The following RSU1 variants were observed in gnomAD, a reference collection of about 807,000 sequenced individuals.
RSU1 encodes the protein Ras suppressor protein 1.
A neutral mutation model predicts 31.1 loss-of-function variants in RSU1; 26 were observed. The observed-to-expected ratio is 0.84, with a 90% CI of 0.61 to 1.16. The LOEUF is 1.16. Among genes scored for constraint, RSU1 ranks in the 50% most tolerant of loss-of-function variants. The probability of loss-of-function intolerance (pLI) is 0.00; values close to 1 mark genes in which losing one functional copy is unlikely to be tolerated. For synonymous variants in RSU1, 164 were observed against 136.3 expected (o/e 1.20, Z -1.41); for missense variants, 320 against 339.1 (o/e 0.94, Z 0.44).
chr10:16,593,386 T>A lies in RSU1; in HGVS notation c.*8A>T. On this transcript the variant is annotated 3_prime_UTR_variant, in exon 9 of 9. Coordinates refer to ENST00000345264, the MANE Select transcript of RSU1 (RefSeq NM_012425.4). The stretch of plus-strand genomic sequence containing the variant: ...GTGCTGGAAGGCCAGCCGATGCCAA[T>A]CCCTTCCTTATCTGTTCTTGGCTGC... 6.2e-7 allele frequency: 1 copy of A among 1,614,050 alleles called. No homozygotes were observed. Among genetic ancestry groups the A allele is most frequent in the Non-Finnish European group, 8.5e-7 (1 of 1,179,934 alleles).
intron 8 of RSU1, among the ~76,000 whole-genome samples, chr10:16,647,449 A>T (rs567448506): frequency 6.6e-6 from 1 of 152,344 alleles, no homozygotes; most frequent in South Asian, 2.1e-4. Context: ...ACTTGTACGG[A>T]AATGTTCACA....
Position 16,591,158 on chromosome 10 carries a change from C to T in RSU1, c.*2236G>A, listed in dbSNP as rs542765362. 6.6e-6 allele frequency: 1 copy of T among 152,364 alleles called. No homozygotes were observed. Among genetic ancestry groups the T allele is most frequent in the African/African-American group, 2.4e-5 (1 of 41,564 alleles). 9.4% of individuals were successfully genotyped at this position (152,364 alleles called of 1,614,324 possible). On this transcript the variant is annotated 3_prime_UTR_variant, in exon 9 of 9. Coordinates refer to ENST00000345264, the MANE Select transcript of RSU1 (RefSeq NM_012425.4). ...AACTCCTGAGCTCAGGCAATCTTCC[C>T]ACCTTGGCCTCCCAAAGTGTTAGGA...
rs367882204 is a variant in RSU1, at chr10:16,788,263, C to G, written c.110-6179G>C. On this transcript the variant is annotated intron_variant, in intron 2 of 8. Transcript: ENST00000345264. ...TCCAGAGGCCCCTGGTTTCCCGTTA[C>G]CAAGCCATCCCCTATGCATGGCTCC... Among the ~76,000 whole-genome samples, 7 of 152,306 alleles carry G rather than the reference C, an allele frequency of 4.6e-5. No homozygotes were observed. In the East Asian group the frequency reaches 1.4e-3, roughly 29 times the overall value.
At chr10:16,815,040 C>T (rs1258163864) in intron 2 of RSU1, among the ~76,000 whole-genome samples, 1 of 152,252 alleles carries the variant, frequency 6.6e-6, no homozygotes, top group Non-Finnish European at 1.5e-5. Flanking sequence ...GGCCAAGGTT[C>T]CCGCTATGCA....
chr10:16,696,841 T>G (rs980072200), intron 7 of RSU1, among the ~76,000 whole-genome samples: 16 of 133,192 alleles, frequency 1.2e-4, no homozygotes, highest in African/African-American at 3.6e-4. Context: ...GCCATTGATC[T>G]TTGTTTTTAT....
chr10:16,792,105 T>A (rs1387739660), intron 2 of RSU1, among the ~76,000 whole-genome samples: 2 of 152,170 alleles, frequency 1.3e-5, no homozygotes, highest in African/African-American at 4.8e-5. Context: ...GCATTGGCCA[T>A]CTTGGACTCT....
At chr10:16,784,674 A>G (rs1837733475) in intron 2 of RSU1, among the ~76,000 whole-genome samples, 1 of 152,230 alleles carries the variant, frequency 6.6e-6, no homozygotes, top group African/African-American at 2.4e-5. Flanking sequence ...GCAAAGAGGA[A>G]GCAAAGGCAC....
chr10:16,710,842 G>A (rs1176787643), intron 7 of RSU1, among the ~76,000 whole-genome samples: 1 of 152,054 alleles, frequency 6.6e-6, no homozygotes, highest in East Asian at 1.9e-4. Context: ...ACAGGTCCCA[G>A]TGTGTAATGC....
chr10:16,801,095 T>A (rs547493291), intron 2 of RSU1, among the ~76,000 whole-genome samples: 27,148 of 148,458 alleles, frequency 0.18, 2,476 homozygotes, highest in Middle Eastern at 0.22. Flanking sequence ...GGATCTTTTT[T>A]TTAAAAAAAA....
chr10:16,602,412 T>C (rs991774646), intron 8 of RSU1, among the ~76,000 whole-genome samples: 3 of 152,232 alleles, frequency 2.0e-5, no homozygotes, highest in Non-Finnish European at 4.4e-5. Context: ...AAATTGAGGC[T>C]TAGCAGCTTG....
At chr10:16,772,640 T>C (rs1249907080) in intron 3 of RSU1, among the ~76,000 whole-genome samples, 2 of 42,566 alleles carry the variant, frequency 4.7e-5, no homozygotes, top group African/African-American at 4.8e-4. Context: ...GAGTAGAATA[T>C]GAAAAAAAAA....
At chr10:16,764,634 C>A in intron 3 of RSU1, 124 bp from the exon 4 acceptor site, 6 of 986,552 alleles carry the variant, frequency 6.1e-6, no homozygotes, top group Non-Finnish European at 8.9e-6. Flanking sequence ...CCATCGAATT[C>A]ACCTACCGGT....
chr10:16,747,388 A>G (rs79213313), intron 7 of RSU1, among the ~76,000 whole-genome samples: 7,789 of 152,090 alleles, frequency 0.051, 236 homozygotes, highest in Middle Eastern at 0.071. Context: ...TCTCAAATTT[A>G]AGATATCTGA....
At chr10:16,609,873 G>A (rs565194504) in intron 8 of RSU1, among the ~76,000 whole-genome samples, 2 of 152,084 alleles carry the variant, frequency 1.3e-5, no homozygotes, top group Admixed American at 6.5e-5. Flanking sequence ...ACATTAGTAC[G>A]TCCAATTTGC....
chr10:16,767,502 G>A (rs988641499), intron 3 of RSU1: 1 of 151,916 alleles, frequency 6.6e-6, no homozygotes, highest in African/African-American at 2.4e-5. Flanking sequence ...ACCTCTCCCA[G>A]CCTTTTGGTG....
intron 8 of RSU1, among the ~76,000 whole-genome samples, chr10:16,651,773 A>C (rs1834687834): frequency 6.6e-6 from 1 of 152,252 alleles, no homozygotes; most frequent in Admixed American, 6.5e-5. Context: ...TAAAAGCTTG[A>C]CTTACAGATA....
At chr10:16,605,661 C>A (rs1250277100) in intron 8 of RSU1, among the ~76,000 whole-genome samples, 2 of 152,200 alleles carry the variant, frequency 1.3e-5, no homozygotes, top group African/African-American at 4.8e-5. Flanking sequence ...CAGCTTCCCA[C>A]CTGGAGCTGT....
chr10:16,712,899 C>T (rs564192385), intron 7 of RSU1, among the ~76,000 whole-genome samples: 1 of 152,306 alleles, frequency 6.6e-6, no homozygotes, highest in East Asian at 1.9e-4. Flanking sequence ...GTCACAAATT[C>T]TCTCAGCCTT....
chr10:16,705,821 CT>C (rs1028443998), intron 7 of RSU1, among the ~76,000 whole-genome samples: 17 of 152,028 alleles, frequency 1.1e-4, no homozygotes, highest in African/African-American at 4.1e-4. Context: ...TTGGCTGATC[CT>C]TTTTTGAGAG....
Sources: gnomAD v4.1 joint callset for allele counts (sites outside exome capture counted in the v4.1 genomes callset) on GRCh38, gnomAD v4.1.1 for gene constraint, MANE v1.5 for transcripts, NCBI Gene and HGNC (gene_info 2026-07-23, HGNC 2026-07-21) for gene names.